The following FBXW7 variants were observed in gnomAD, a reference collection of about 807,000 sequenced individuals.
FBXW7 encodes F-box/WD repeat-containing protein 7.
A neutral mutation model predicts 86.3 loss-of-function variants in FBXW7; 11 were observed. That is an observed-to-expected ratio of 0.13 (90% CI 0.08 to 0.21). The LOEUF (loss-of-function observed/expected upper bound fraction) is 0.21. Among genes scored for constraint, FBXW7 ranks in the 10% least tolerant of loss-of-function variants. The pLI is 1.00. For synonymous variants in FBXW7, 313 were observed against 297.9 expected (o/e 1.05, Z -0.52); for missense variants, 488 against 847.4 (o/e 0.58, Z 5.27).
At chr4:152,462,021 G>A (rs1742994628) in intron 2 of FBXW7, among the ~76,000 whole-genome samples, 1 of 152,182 alleles carries the variant, frequency 6.6e-6, no homozygotes, top group South Asian at 2.1e-4. Context: ...AATGTTAAGT[G>A]AGGACTTACT....
Position 152,352,801 on chromosome 4 carries a change from G to C in FBXW7, c.502-2677C>G, listed in dbSNP as rs1033465986. On this transcript the variant is annotated intron_variant, in intron 4 of 13. Coordinates refer to ENST00000281708, the MANE Select transcript of FBXW7 (RefSeq NM_001349798.2). ...GAGAACGGAGAAGATTATTGGAGGA[G>C]ACTATGCCCTGTCAAAGCCTTGACT... The C allele has an allele frequency of 1.5e-4, 233 of 1,579,158 alleles. 2 individuals are homozygous for C. The Admixed American group carries it at 3.9e-3, about 27-fold the overall frequency.
At chr4:152,456,586 A>C (rs907455655) in intron 2 of FBXW7, among the ~76,000 whole-genome samples, 2 of 152,150 alleles carry the variant, frequency 1.3e-5, no homozygotes, top group Non-Finnish European at 2.9e-5. Flanking sequence ...AAAATACTTC[A>C]ACAGAAAAAG....
At chr4:152,497,370 C>A (rs945207176) in intron 2 of FBXW7, among the ~76,000 whole-genome samples, 1 of 146,050 alleles carries the variant, frequency 6.8e-6, no homozygotes, top group Non-Finnish European at 1.5e-5. Context: ...CACACACACA[C>A]ACACACTATG....
intron 5 of FBXW7, chr4:152,348,690 G>A: frequency 8.6e-7 from 1 of 1,161,514 alleles, no homozygotes; most frequent in Middle Eastern, 2.3e-4. Context: ...CCTGGTATCA[G>A]CCATATTAAT....
In FBXW7 at chr4:152,472,332, A is replaced by G. The variant is rs186879000; in HGVS notation, c.-119-59803T>C. On this transcript the variant is annotated intron_variant, in intron 2 of 13. Coordinates refer to ENST00000281708, the MANE Select transcript of FBXW7 (RefSeq NM_001349798.2). ...GAAATGTGTACATATATGCACAAAAAAATATGTACGAGAATTATCACAGCA... is the reference window on the plus strand; with the variant it reads ...GAAATGTGTACATATATGCACAAAAGAATATGTACGAGAATTATCACAGCA... Among the ~76,000 whole-genome samples, 23 of 152,324 alleles carry G rather than the reference A, an allele frequency of 1.5e-4. No individual in the cohort carries two copies. In the East Asian group the frequency reaches 4.4e-3, roughly 29 times the overall value.
intron 2 of FBXW7, among the ~76,000 whole-genome samples, chr4:152,462,424 G>A (rs1436714761): frequency 6.6e-6 from 1 of 152,148 alleles, no homozygotes; most frequent in Non-Finnish European, 1.5e-5. Context: ...GGGTCCCCTG[G>A]GGTCTCCCCT....
chr4:152,358,380 TG>T (rs1335037214), intron 4 of FBXW7, among the ~76,000 whole-genome samples: 5 of 152,280 alleles, frequency 3.3e-5, no homozygotes, highest in African/African-American at 1.2e-4. Context: ...TTGCCTGACT[TG>T]AGAAGAATTT....
intron 2 of FBXW7, among the ~76,000 whole-genome samples, chr4:152,436,746 G>C (rs1244871973): frequency 2.0e-5 from 3 of 152,032 alleles, no homozygotes; most frequent in Admixed American, 2.0e-4. Context: ...TTAAGAATTA[G>C]GCTAAATATA....
chr4:152,411,488 C>A lies in FBXW7; in HGVS notation c.316G>T (p.Gly106Cys), dbSNP rs1330610544. 1 of 1,613,576 alleles carries A rather than the reference C, an allele frequency of 6.2e-7. No individual in the cohort carries two copies. The highest frequency in any genetic ancestry group is 8.5e-7 in the Non-Finnish European group (1 of 1,179,746). Reference sequence around the variant, plus strand: ...TCCTCATCCTCCTCATCTTGTTCACCAGCATGTTCTTCATCTTCCTCTTGT... The same window carrying A: ...TCCTCATCCTCCTCATCTTGTTCACAAGCATGTTCTTCATCTTCCTCTTGT... Reference protein sequence around the residue: ...EEQEEDEEHAGEQDEEDEEEE... With the variant: ...EEQEEDEEHACEQDEEDEEEE... The change falls in exon 4 of 14, where the codon GGT becomes TGT. Residue 106 changes from glycine to cysteine, a missense_variant. Gly to Cys is a radical substitution (Grantham distance 159, BLOSUM62 -3). This residue lies in a region of FBXW7 where 230 missense variants were observed against 240.0 expected (regional missense o/e 0.96). Coordinates refer to ENST00000281708, the MANE Select transcript of FBXW7 (RefSeq NM_001349798.2).
intron 2 of FBXW7, among the ~76,000 whole-genome samples, chr4:152,504,799 AG>A (rs1264180660): frequency 3.9e-5 from 6 of 152,202 alleles, no homozygotes; most frequent in Non-Finnish European, 8.8e-5. Context: ...CTTGGTACAA[AG>A]AGAATCTAAA....
intron 2 of FBXW7, among the ~76,000 whole-genome samples, chr4:152,515,976 G>A (rs1748453012): frequency 6.6e-6 from 1 of 152,212 alleles, no homozygotes. Context: ...GTCCCTGGCT[G>A]ACAGCCAGCA....
chr4:152,433,227 G>T (rs1740072684), intron 2 of FBXW7, among the ~76,000 whole-genome samples: 1 of 152,164 alleles, frequency 6.6e-6, no homozygotes, highest in South Asian at 2.1e-4. Flanking sequence ...TTTCTCCTGG[G>T]TAAATAACTA....
chr4:152,532,150 T>G (rs1278611702), intron 2 of FBXW7, among the ~76,000 whole-genome samples: 1 of 152,214 alleles, frequency 6.6e-6, no homozygotes. Flanking sequence ...TGCTAAACTA[T>G]TTTGCTGTTT....
At chr4:152,326,298 T>A in intron 11 of FBXW7, 67 bp from the exon 12 acceptor site, 3 of 1,242,744 alleles carry the variant, frequency 2.4e-6, no homozygotes, top group Non-Finnish European at 3.4e-6. Flanking sequence ...TTTAATAATA[T>A]GAGAAAACAT....
chr4:152,363,860 TG>T (rs1733210424), intron 4 of FBXW7, among the ~76,000 whole-genome samples: 1 of 152,128 alleles, frequency 6.6e-6, no homozygotes, highest in African/African-American at 2.4e-5. Flanking sequence ...TTAAGGTAGA[TG>T]GGATTTGAAC....
chr4:152,411,336 T>C lies in FBXW7; in HGVS notation c.468A>G (p.Gln156=), dbSNP rs774640620. Residue 156 remains glutamine (Q), a synonymous_variant, in exon 4 of 14, where the codon CAA becomes CAG. Coordinates refer to ENST00000281708, the MANE Select transcript of FBXW7 (RefSeq NM_001349798.2). ...SSSIVDLPVH[Q]LSSPFYTKTT... ...TTTTTGTATAGAATGGGGAGGAGAG[T>C]TGGTGAACGGGCAGGTCCACAATAC... The C allele has an allele frequency of 2.5e-6, 4 of 1,611,064 alleles. No individual in the cohort carries two copies. Among genetic ancestry groups the C allele is most frequent in the Admixed American group, 1.7e-5 (1 of 59,650 alleles).
At chr4:152,352,108 GAAAAAAGAA>G (rs1399471811) in intron 4 of FBXW7, among the ~76,000 whole-genome samples, 1 of 151,708 alleles carries the variant, frequency 6.6e-6, no homozygotes, top group Non-Finnish European at 1.5e-5. Context: ...GTCAACTAAT[GAAAAAAGAA>G]AAACTGTATA....
chr4:152,423,301 G>A (rs545806053), intron 2 of FBXW7, among the ~76,000 whole-genome samples: 143 of 152,214 alleles, frequency 9.4e-4, no homozygotes, highest in African/African-American at 3.3e-3. Context: ...TAATTCCTCA[G>A]TGCTATAGAC....
chr4:152,535,511 C>T lies in FBXW7; in HGVS notation c.-597G>A, dbSNP rs1750457569. ...GCCCCCCCGGCCGGGGGGTGGTTGCCGAGCTTGGTTGGGGCCCCGGTTCAT... is the reference window on the plus strand; with the variant it reads ...GCCCCCCCGGCCGGGGGGTGGTTGCTGAGCTTGGTTGGGGCCCCGGTTCAT... On this transcript the variant is annotated 5_prime_UTR_variant, in exon 1 of 14. Transcript: ENST00000281708. 1 of 395,064 alleles carries T rather than the reference C, an allele frequency of 2.5e-6. No individual in the cohort carries two copies. The highest frequency in any genetic ancestry group is 2.1e-5 in the African/African-American group (1 of 48,450). 24.5% of individuals were successfully genotyped at this position (395,064 alleles called of 1,614,324 possible). A position where few individuals can be genotyped will look rare whatever the true frequency, so the allele number is the denominator to read the frequency against.
Sources: gnomAD v4.1 joint callset for allele counts (sites outside exome capture counted in the v4.1 genomes callset) on GRCh38, gnomAD v4.1.1 for gene constraint, gnomAD v4.1.1 regional missense constraint, MANE v1.5 for transcripts, NCBI Gene and HGNC (gene_info 2026-07-23, HGNC 2026-07-21) for gene names.